The following CSMD1 variants were observed in gnomAD, a reference collection of about 807,000 sequenced individuals.
The protein encoded by CSMD1 is CUB and sushi domain-containing protein 1.
In CSMD1, 213 loss-of-function variants were observed where a neutral mutation model predicts 417.5. That is an observed-to-expected ratio of 0.51 (90% CI 0.46 to 0.57). The LOEUF (loss-of-function observed/expected upper bound fraction) is 0.57, where lower values mean the gene tolerates loss of function less well. Ranked by LOEUF, CSMD1 falls within the 20% of genes least tolerant of loss-of-function variation. The pLI is 0.00. For synonymous variants in CSMD1, 2,862 were observed against 1,736.8 expected (o/e 1.65, Z -16.11); for missense variants, 6,923 against 4,529.7 (o/e 1.53, Z -15.17).
chr8:3,476,800 C>T (rs980689995), intron 11 of CSMD1, among the ~76,000 whole-genome samples: 1 of 151,618 alleles, frequency 6.6e-6, no homozygotes, highest in Non-Finnish European at 1.5e-5. Flanking sequence ...CATCTGTAAT[C>T]CCAGCTACTT....
At chr8:4,212,748 A>ATTTTTTTTTTTTTTTTTTTTT (rs1233118651) in intron 3 of CSMD1, among the ~76,000 whole-genome samples, 1 of 101,864 alleles carries the variant, frequency 9.8e-6, no homozygotes, top group African/African-American at 5.3e-5. Context: ...CAGCGGCCTT[A>ATTTTTTTTTTTTTTTTTTTTT]TTCTTTTTTT....
At chr8:3,943,095 G>A (rs1180578657) in intron 5 of CSMD1, among the ~76,000 whole-genome samples, 1 of 151,936 alleles carries the variant, frequency 6.6e-6, no homozygotes, top group African/African-American at 2.4e-5. Flanking sequence ...CATTACCTGG[G>A]ATTCAACTTC....
At chr8:4,475,318 T>C (rs912189206) in intron 2 of CSMD1, among the ~76,000 whole-genome samples, 2 of 152,186 alleles carry the variant, frequency 1.3e-5, no homozygotes, top group African/African-American at 2.4e-5. Flanking sequence ...TGTCTCCAAA[T>C]TGTGATAGCT....
At chr8:4,513,959 G>C (rs949567146) in intron 2 of CSMD1, among the ~76,000 whole-genome samples, 5 of 151,980 alleles carry the variant, frequency 3.3e-5, no homozygotes, top group Non-Finnish European at 7.4e-5. Flanking sequence ...GAATCACTTG[G>C]GACTCTTTTT....
chr8:3,163,339 A>G (rs1399477081), intron 37 of CSMD1, among the ~76,000 whole-genome samples: 1 of 151,836 alleles, frequency 6.6e-6, no homozygotes, highest in African/African-American at 2.4e-5. Flanking sequence ...AACTTATCAG[A>G]TTACTTAATT....
chr8:4,789,314 G>A (rs1797571343), intron 1 of CSMD1, among the ~76,000 whole-genome samples: 1 of 152,114 alleles, frequency 6.6e-6, no homozygotes, highest in Non-Finnish European at 1.5e-5. Flanking sequence ...CACCATCTGT[G>A]GTTTAAAAGC....
intron 3 of CSMD1, among the ~76,000 whole-genome samples, chr8:4,202,049 G>C (rs560148951): frequency 6.6e-6 from 1 of 152,146 alleles, no homozygotes; most frequent in Non-Finnish European, 1.5e-5. Context: ...CAGTCCTGCT[G>C]TGGGTTGGCT....
intron 2 of CSMD1, among the ~76,000 whole-genome samples, chr8:4,610,667 ATG>A (rs1801121111): frequency 6.6e-6 from 1 of 152,184 alleles, no homozygotes; most frequent in East Asian, 1.9e-4. Flanking sequence ...AATTCATCCC[ATG>A]AATTAGTTTG....
chr8:3,419,170 A>T (rs1290128270), intron 12 of CSMD1, among the ~76,000 whole-genome samples: 3 of 152,212 alleles, frequency 2.0e-5, no homozygotes, highest in African/African-American at 7.2e-5. Flanking sequence ...GCAGGAACTG[A>T]ACTTTTTGCC....
At chr8:3,907,573 G>C (rs1015662504) in intron 5 of CSMD1, among the ~76,000 whole-genome samples, 1 of 152,172 alleles carries the variant, frequency 6.6e-6, no homozygotes, top group Admixed American at 6.5e-5. Flanking sequence ...TGAGTTACCA[G>C]TGGTTGTGCC....
chr8:4,923,507 A>C (rs1806638985), intron 1 of CSMD1, among the ~76,000 whole-genome samples: 2 of 148,120 alleles, frequency 1.4e-5, no homozygotes, highest in South Asian at 4.4e-4. Flanking sequence ...TCTAAATATA[A>C]ATAAACACAC....
At chr8:4,763,495 A>G (rs7003205) in intron 1 of CSMD1, among the ~76,000 whole-genome samples, 57,563 of 151,982 alleles carry the variant, frequency 0.38, 12,048 homozygotes, top group East Asian at 0.57. Flanking sequence ...TCAATAATTT[A>G]TTGATGACTT....
intron 1 of CSMD1, among the ~76,000 whole-genome samples, chr8:4,949,668 G>C (rs150811992): frequency 1.3e-5 from 2 of 152,162 alleles, no homozygotes; most frequent in Non-Finnish European, 2.9e-5. Flanking sequence ...TGCCAAGGCT[G>C]AGAAATACTG....
chr8:3,150,743 G>T (rs919881873), intron 40 of CSMD1, among the ~76,000 whole-genome samples: 1 of 152,056 alleles, frequency 6.6e-6, no homozygotes, highest in African/African-American at 2.4e-5. Context: ...ACTAAAATAC[G>T]AAGGAAACCA....
intron 7 of CSMD1, among the ~76,000 whole-genome samples, chr8:3,678,386 G>A (rs1471164748): frequency 1.3e-5 from 2 of 152,204 alleles, no homozygotes; most frequent in African/African-American, 4.8e-5. Flanking sequence ...ACTACGTGAT[G>A]AATGCACAAG....
At chr8:4,894,136 A>C (rs897829211) in intron 1 of CSMD1, among the ~76,000 whole-genome samples, 3 of 151,788 alleles carry the variant, frequency 2.0e-5, no homozygotes, top group Non-Finnish European at 4.4e-5. Context: ...CATTTGAAAA[A>C]TTATCTCTAT....
chr8:3,055,472 T>C (rs1014241638), intron 49 of CSMD1, among the ~76,000 whole-genome samples: 1 of 152,250 alleles, frequency 6.6e-6, no homozygotes, highest in Non-Finnish European at 1.5e-5. Context: ...ATAATCCTTA[T>C]GGACTAAAAT....
At chr8:4,042,044 C>T (rs577890331) in intron 3 of CSMD1, among the ~76,000 whole-genome samples, 1 of 152,002 alleles carries the variant, frequency 6.6e-6, no homozygotes, top group East Asian at 1.9e-4. Context: ...GGGACATCTC[C>T]AAGCAGACAC....
chr8:4,908,230 T>C lies in CSMD1; in HGVS notation c.85+86102A>G, dbSNP rs370090337. Among the ~76,000 whole-genome samples the C allele has an allele frequency of 3.3e-4, 51 of 152,322 alleles. 2 individuals are homozygous for C. The South Asian group carries it at 0.01, about 30-fold the overall frequency. Reference sequence around the variant, plus strand: ...TTCTGATAAGAAATTTGCTGCAGTGTTTATACTTGCTATTCTGTAGGGTAA... The same window carrying C: ...TTCTGATAAGAAATTTGCTGCAGTGCTTATACTTGCTATTCTGTAGGGTAA... On this transcript the variant is annotated intron_variant, in intron 1 of 69. Coordinates refer to ENST00000635120, the MANE Select transcript of CSMD1 (RefSeq NM_033225.6).
Sources: allele counts gnomAD v4.1 joint callset (sites outside exome capture counted in the v4.1 genomes callset), GRCh38; gene constraint gnomAD v4.1.1; transcripts MANE v1.5; gene names NCBI Gene and HGNC (gene_info 2026-07-23, HGNC 2026-07-21).